UBE2E2: variants seen among roughly 807,000 people sequenced by gnomAD.
UBE2E2 encodes the protein ubiquitin conjugating enzyme E2 E2.
UBE2E2 carries 6 observed loss-of-function variants against 24.7 expected under a neutral mutation model. The observed-to-expected ratio is 0.24, with a 90% CI of 0.13 to 0.48. The LOEUF (loss-of-function observed/expected upper bound fraction) is 0.48. UBE2E2 is among the 20% of genes least tolerant of loss of function. The pLI is 0.99. For missense variants in UBE2E2, 169 were observed against 245.0 expected (o/e 0.69, Z 2.07); for synonymous variants, 104 against 83.6 (o/e 1.24, Z -1.33).
chr3:23,401,554 T>A (rs1306547021), intron 3 of UBE2E2, among the ~76,000 whole-genome samples: 1 of 152,136 alleles, frequency 6.6e-6, no homozygotes, highest in African/African-American at 2.4e-5. Context: ...TGCTCCCAAC[T>A]TACTATGCTG....
chr3:23,508,829 G>T (rs77061417), intron 4 of UBE2E2, among the ~76,000 whole-genome samples: 1 of 152,158 alleles, frequency 6.6e-6, no homozygotes, highest in Non-Finnish European at 1.5e-5. Context: ...ATGTTCTTCC[G>T]CGGAGAAGTT....
chr3:23,335,031 A>T (rs930147181), intron 3 of UBE2E2, among the ~76,000 whole-genome samples: 2 of 152,232 alleles, frequency 1.3e-5, no homozygotes, highest in African/African-American at 4.8e-5. Flanking sequence ...CACATTAAAT[A>T]TGCACATAAA....
At chr3:23,533,619 A>ATTTTTTTTTTTTTT (rs759984741) in intron 5 of UBE2E2, among the ~76,000 whole-genome samples, 1 of 108,508 alleles carries the variant, frequency 9.2e-6, no homozygotes, top group Non-Finnish European at 1.8e-5. Flanking sequence ...GCAAATTAGT[A>ATTTTTTTTTTTTTT]TTTTTTTTTT....
rs1457006424 is a variant in UBE2E2 at position 23,406,922 on chromosome 3, GCTT to G, written c.228-92682_228-92680del. On this transcript the variant is annotated intron_variant, in intron 3 of 5. Transcript: ENST00000396703. ...TAATTCACTTAGCTCTCTTGGCACA[GCTT>G]CTTTATGAAGTCAGTGTCCCCCATG... Among the ~76,000 whole-genome samples the G allele has an allele frequency of 1.2e-4, 18 of 152,320 alleles. No individual in the cohort carries two copies. The East Asian group carries it at 3.5e-3, about 29-fold the overall frequency.
intron 3 of UBE2E2, among the ~76,000 whole-genome samples, chr3:23,345,953 G>C (rs1006864232): frequency 1.3e-5 from 2 of 152,102 alleles, no homozygotes; most frequent in East Asian, 3.9e-4. Context: ...CTCACCAACG[G>C]CAGACAGCAG....
At chr3:23,444,967 A>G (rs1698393720) in intron 3 of UBE2E2, among the ~76,000 whole-genome samples, 1 of 152,166 alleles carries the variant, frequency 6.6e-6, no homozygotes, top group Non-Finnish European at 1.5e-5. Context: ...TGTAAAGACA[A>G]ATCATTGCCA....
chr3:23,354,117 A>G (rs964083375), intron 3 of UBE2E2, among the ~76,000 whole-genome samples: 2 of 152,180 alleles, frequency 1.3e-5, no homozygotes, highest in Admixed American at 6.5e-5. Flanking sequence ...GACAAACCTG[A>G]GAAAAGCAAG....
intron 3 of UBE2E2, among the ~76,000 whole-genome samples, chr3:23,258,022 A>G (rs185413961): frequency 2.3e-4 from 35 of 152,328 alleles, no homozygotes; most frequent in African/African-American, 8.4e-4. Context: ...AGAGATGACA[A>G]TACATATGTA....
intron 3 of UBE2E2, among the ~76,000 whole-genome samples, chr3:23,455,683 C>A (rs572417421): frequency 1.3e-5 from 2 of 152,040 alleles, no homozygotes; most frequent in South Asian, 4.1e-4. Context: ...AGAGCGAGAC[C>A]CTGTCTCTTA....
At chr3:23,265,450 G>T (rs1485251257) in intron 3 of UBE2E2, among the ~76,000 whole-genome samples, 2 of 152,160 alleles carry the variant, frequency 1.3e-5, no homozygotes, top group Non-Finnish European at 2.9e-5. Context: ...GCAAGCAGCT[G>T]TTCTATCCTG....
intron 5 of UBE2E2, among the ~76,000 whole-genome samples, chr3:23,536,328 G>A (rs1343709368): frequency 2.6e-5 from 4 of 152,140 alleles, no homozygotes; most frequent in African/African-American, 9.7e-5. Flanking sequence ...TCCTTTACCT[G>A]ATGCTTAGTT....
chr3:23,445,899 GA>G (rs1474439209), intron 3 of UBE2E2, among the ~76,000 whole-genome samples: 1 of 152,088 alleles, frequency 6.6e-6, no homozygotes, highest in Admixed American at 6.6e-5. Flanking sequence ...CTCTGCCACT[GA>G]ACCCCAAGGA....
At chr3:23,267,453 A>G (rs1379305275) in intron 3 of UBE2E2, among the ~76,000 whole-genome samples, 4 of 152,258 alleles carry the variant, frequency 2.6e-5, no homozygotes, top group Non-Finnish European at 5.9e-5. Context: ...TAAAAAATCT[A>G]GAAGAAATGG....
At chr3:23,316,093 A>G (rs1694569515) in intron 3 of UBE2E2, among the ~76,000 whole-genome samples, 1 of 151,944 alleles carries the variant, frequency 6.6e-6, no homozygotes, top group African/African-American at 2.4e-5. Context: ...CGCAGCACTG[A>G]GTCTTATCCA....
intron 3 of UBE2E2, among the ~76,000 whole-genome samples, chr3:23,370,050 C>T (rs947323683): frequency 6.6e-6 from 1 of 152,178 alleles, no homozygotes; most frequent in South Asian, 2.1e-4. Flanking sequence ...AAACATTTCT[C>T]AAAAGCTATA....
intron 3 of UBE2E2, among the ~76,000 whole-genome samples, chr3:23,291,045 G>T (rs1257254510): frequency 6.8e-6 from 1 of 146,412 alleles, no homozygotes; most frequent in Non-Finnish European, 1.5e-5. Flanking sequence ...CTCCAGCCTG[G>T]GAGACAGAGC....
chr3:23,333,025 A>G (rs889753149), intron 3 of UBE2E2, among the ~76,000 whole-genome samples: 1 of 152,174 alleles, frequency 6.6e-6, no homozygotes, highest in South Asian at 2.1e-4. Flanking sequence ...GAAAAGTATG[A>G]CATTGGTGAT....
In UBE2E2 at chr3:23,590,797, T is replaced by C. The variant is rs1013818076; in HGVS notation, c.*966T>C. ...TAGTAAATTGCTATCATTTTACATA[T>C]TGACTGGGCATTCTTTCTGTTACAG... On this transcript the variant is annotated 3_prime_UTR_variant, in exon 6 of 6. Transcript: ENST00000396703. 1.3e-5 allele frequency: 2 copies of C among 152,258 alleles called. No individual in the cohort carries two copies. The highest frequency in any genetic ancestry group is 6.5e-5 in the Admixed American group (1 of 15,286). 9.4% of individuals were successfully genotyped at this position (152,258 alleles called of 1,614,324 possible).
At chr3:23,418,547 T>A (rs1475305136) in intron 3 of UBE2E2, among the ~76,000 whole-genome samples, 1 of 152,248 alleles carries the variant, frequency 6.6e-6, no homozygotes, top group Non-Finnish European at 1.5e-5. Context: ...TTTACCATGT[T>A]GGCCAGGCTG....
Sources: allele counts gnomAD v4.1 joint callset (sites outside exome capture counted in the v4.1 genomes callset), GRCh38; gene constraint gnomAD v4.1.1; transcripts MANE v1.5; gene names NCBI Gene and HGNC (gene_info 2026-07-23, HGNC 2026-07-21).